The following NINJ2 variants were observed in gnomAD, a reference collection of about 807,000 sequenced individuals.
The protein encoded by NINJ2 is ninjurin 2, also known as ninjurin-2.
Under a neutral mutation model 11.7 loss-of-function variants are expected in NINJ2, and 12 were observed. The observed-to-expected ratio is 1.02, with a 90% CI of 0.66 to 1.66. The LOEUF is 1.66. NINJ2 is among the 40% of genes most tolerant of loss of function. The pLI, the probability that NINJ2 is intolerant of heterozygous loss-of-function variation, is 0.00. For synonymous variants in NINJ2, 93 were observed against 76.8 expected (o/e 1.21, Z -1.10); for missense variants, 187 against 181.8 (o/e 1.03, Z -0.16).
At chr12:575,085 G>A (rs184297307) in intron 1 of NINJ2, among the ~76,000 whole-genome samples, 12 of 152,350 alleles carry the variant, frequency 7.9e-5, no homozygotes, top group African/African-American at 2.9e-4. Flanking sequence ...TTTGAAGTAG[G>A]CACCATTTAT....
At chr12:593,134 T>C (rs1045558637) in intron 1 of NINJ2, among the ~76,000 whole-genome samples, 3 of 152,210 alleles carry the variant, frequency 2.0e-5, no homozygotes, top group African/African-American at 7.2e-5. Context: ...CAGAAATCTA[T>C]GTTAAATATA....
chr12:571,079 T>G lies in NINJ2; in HGVS notation c.34-4901A>C, dbSNP rs567059375. Among the ~76,000 whole-genome samples the G allele has an allele frequency of 2.4e-3, 358 of 152,124 alleles. 2 individuals carry two copies. Among genetic ancestry groups the G allele is most frequent in the African/African-American group, 8.0e-3 (334 of 41,522 alleles). On this transcript the variant is annotated intron_variant, in intron 1 of 3. Coordinates refer to ENST00000305108, the MANE Select transcript of NINJ2 (RefSeq NM_016533.6). ...CATTCTGCCCCGCCCCACTTGCCCC[T>G]CCCCTGCCACTCAAGGGCGGCAGGA... is the stretch of plus-strand genomic sequence containing the variant.
intron 1 of NINJ2, among the ~76,000 whole-genome samples, chr12:567,182 G>A (rs143502457): frequency 9.1e-4 from 138 of 152,140 alleles, no homozygotes; most frequent in African/African-American, 3.0e-3. Flanking sequence ...TGGAGGTAGG[G>A]AAGATGACCC....
intron 1 of NINJ2, among the ~76,000 whole-genome samples, chr12:587,061 G>A (rs915311706): frequency 1.3e-5 from 2 of 152,228 alleles, no homozygotes; most frequent in Non-Finnish European, 2.9e-5. Context: ...AAGGGAAAGC[G>A]TAGGCTCCCC....
chr12:567,973 C>T (rs986039747), intron 1 of NINJ2, among the ~76,000 whole-genome samples: 5 of 152,220 alleles, frequency 3.3e-5, no homozygotes, highest in Non-Finnish European at 7.3e-5. Flanking sequence ...CACCATTGCA[C>T]TCTAGCCTGG....
intron 1 of NINJ2, among the ~76,000 whole-genome samples, chr12:661,071 T>C (rs1937951437): frequency 7.0e-6 from 1 of 143,710 alleles, no homozygotes; most frequent in Non-Finnish European, 1.5e-5. Flanking sequence ...TTGTTTTAAC[T>C]AAAGAGTGTT....
At chr12:577,783 C>T (rs1947489952) in intron 1 of NINJ2, among the ~76,000 whole-genome samples, 1 of 151,844 alleles carries the variant, frequency 6.6e-6, no homozygotes, top group Non-Finnish European at 1.5e-5. Flanking sequence ...TCTCAAACTC[C>T]TGAGTTCAAG....
chr12:600,423 A>G (rs1947850808), intron 1 of NINJ2, among the ~76,000 whole-genome samples: 1 of 151,968 alleles, frequency 6.6e-6, no homozygotes, highest in Non-Finnish European at 1.5e-5. Context: ...GGCATGGGTG[A>G]TGCACACCTG....
intron 1 of NINJ2, among the ~76,000 whole-genome samples, chr12:648,554 T>A (rs1937732129): frequency 6.6e-6 from 1 of 152,212 alleles, no homozygotes; most frequent in Non-Finnish European, 1.5e-5. Flanking sequence ...GTCGTGTTCA[T>A]GAGTGTTCTT....
intron 1 of NINJ2, among the ~76,000 whole-genome samples, chr12:635,729 A>T (rs2120456195): frequency 6.6e-6 from 1 of 152,374 alleles, no homozygotes; most frequent in South Asian, 2.1e-4. Flanking sequence ...AAAAACAGAT[A>T]AATTAGATTT....
chr12:652,085 T>C (rs1937804175), intron 1 of NINJ2, among the ~76,000 whole-genome samples: 1 of 151,546 alleles, frequency 6.6e-6, no homozygotes, highest in Non-Finnish European at 1.5e-5. Context: ...AAATTATAGA[T>C]ACAGGAAACT....
At chr12:643,300 T>G (rs989892668) in intron 1 of NINJ2, 49 of 361,680 alleles carry the variant, frequency 1.4e-4, no homozygotes, top group African/African-American at 9.5e-4. Context: ...CTGGAGACTC[T>G]GCACCGTCGC....
intron 3 of NINJ2, 127 bp downstream of exon 3, chr12:565,090 G>T: frequency 1.4e-6 from 1 of 724,288 alleles, no homozygotes. Flanking sequence ...TCCTCTCCTT[G>T]CTCTCGGAGC....
intron 1 of NINJ2, among the ~76,000 whole-genome samples, chr12:615,859 G>T (rs1186049364): frequency 6.6e-6 from 1 of 152,228 alleles, no homozygotes; most frequent in Non-Finnish European, 1.5e-5. Flanking sequence ...ACAAGCAAGG[G>T]AAAATCCTAC....
intron 1 of NINJ2, among the ~76,000 whole-genome samples, chr12:625,137 T>C (rs1948199187): frequency 6.7e-6 from 1 of 150,060 alleles, no homozygotes; most frequent in Admixed American, 6.7e-5. Flanking sequence ...TATATAGATA[T>C]ATAGATATAT....
rs778660336 is a variant in NINJ2, at chr12:568,613, T to G, written c.34-2435A>C. Among the ~76,000 whole-genome samples the G allele has an allele frequency of 1.8e-4, 27 of 152,154 alleles. No homozygotes were observed. The Middle Eastern group carries it at 0.014, about 77-fold the overall frequency. On this transcript the variant is annotated intron_variant, in intron 1 of 3. Transcript: ENST00000305108. ...CATTGGAGGATCAAACATATAGGAG[T>G]GGCTCTTTCACTCTGACCACACTCC...
At chr12:588,568 T>C (rs1326496799) in intron 1 of NINJ2, among the ~76,000 whole-genome samples, 1 of 152,174 alleles carries the variant, frequency 6.6e-6, no homozygotes, top group Non-Finnish European at 1.5e-5. Context: ...GTAACTAAAC[T>C]ATGGTCATTC....
chr12:604,503 T>A (rs1947912650), intron 1 of NINJ2, among the ~76,000 whole-genome samples: 1 of 152,134 alleles, frequency 6.6e-6, no homozygotes. Context: ...CCGGGCGTGG[T>A]GGTGGGCACC....
intron 1 of NINJ2, chr12:610,620 G>A: frequency 1.0e-6 from 1 of 985,402 alleles, no homozygotes; most frequent in Non-Finnish European, 1.2e-6. Flanking sequence ...GGGGTTACCA[G>A]GCAGGGACTT....
Sources: gnomAD v4.1 joint callset for allele counts (sites outside exome capture counted in the v4.1 genomes callset) on GRCh38, gnomAD v4.1.1 for gene constraint, MANE v1.5 for transcripts, NCBI Gene and HGNC (gene_info 2026-07-23, HGNC 2026-07-21) for gene names.